The following STX8 variants were observed in gnomAD, a reference collection of about 807,000 sequenced individuals.
The protein encoded by STX8 is syntaxin 8.
STX8 carries 23 observed loss-of-function variants against 37.5 expected under a neutral mutation model. The observed-to-expected ratio is 0.61, with a 90% CI of 0.44 to 0.87. STX8 has a LOEUF of 0.87. STX8 is among the 40% of genes least tolerant of loss of function. STX8 has a pLI of 0.00. For missense variants in STX8, 313 were observed against 284.7 expected, an observed-to-expected ratio of 1.10 and a Z score of -0.71; for synonymous variants, 115 against 99.1, an observed-to-expected ratio of 1.16 and a Z score of -0.95.
chr17:9,378,661 G>A lies in STX8; in HGVS notation c.542-8C>T, dbSNP rs1243300844. The stretch of plus-strand genomic sequence containing the variant: ...CAAGGTCGTCAATTATCTCTAGAAA[G>A]GAAACATACATGATTACTATTCCTG... On this transcript the variant is annotated splice_region_variant and splice_polypyrimidine_tract_variant and intron_variant, in intron 6 of 7. Transcript: ENST00000306357. 2.5e-6 allele frequency: 4 copies of A among 1,602,972 alleles called. No homozygotes were observed. The highest frequency in any genetic ancestry group is 2.6e-6 in the Non-Finnish European group (3 of 1,170,244).
At chr17:9,373,968 C>G (rs1276410109) in intron 7 of STX8, among the ~76,000 whole-genome samples, 2 of 151,382 alleles carry the variant, frequency 1.3e-5, no homozygotes, top group Non-Finnish European at 2.9e-5. Context: ...TTCTGGACAG[C>G]CTCGGCCACG....
At chr17:9,326,380 C>T (rs1288977519) in intron 7 of STX8, among the ~76,000 whole-genome samples, 2 of 152,174 alleles carry the variant, frequency 1.3e-5, no homozygotes, top group Admixed American at 1.3e-4. Context: ...CCTCAGCCTC[C>T]CAAAGCGCCA....
chr17:9,503,440 T>A (rs1164333254), intron 5 of STX8, among the ~76,000 whole-genome samples: 1 of 152,208 alleles, frequency 6.6e-6, no homozygotes, highest in Non-Finnish European at 1.5e-5. Context: ...TATCAAATCA[T>A]ATACTTCAAA....
intron 7 of STX8, among the ~76,000 whole-genome samples, chr17:9,297,743 G>A (rs1908618490): frequency 6.6e-6 from 1 of 152,258 alleles, no homozygotes; most frequent in South Asian, 2.1e-4. Flanking sequence ...AGGCATGGTG[G>A]CACACACCTG....
At chr17:9,484,538 G>A (rs1160719208) in intron 6 of STX8, among the ~76,000 whole-genome samples, 6 of 151,934 alleles carry the variant, frequency 3.9e-5, no homozygotes, top group Non-Finnish European at 5.9e-5. Context: ...TCAGAGGGCC[G>A]GGCATGGTGG....
At chr17:9,437,106 C>CA (rs1904460274) in intron 6 of STX8, among the ~76,000 whole-genome samples, 1 of 152,202 alleles carries the variant, frequency 6.6e-6, no homozygotes, top group Non-Finnish European at 1.5e-5. Flanking sequence ...TATAAGCACT[C>CA]ACTGAATTTT....
chr17:9,498,766 C>T (rs1168651363), intron 5 of STX8, among the ~76,000 whole-genome samples: 2 of 152,134 alleles, frequency 1.3e-5, no homozygotes. Context: ...ATTCATAAGA[C>T]TAGATGAAGC....
At chr17:9,306,365 G>C (rs1187265802) in intron 7 of STX8, among the ~76,000 whole-genome samples, 1 of 152,146 alleles carries the variant, frequency 6.6e-6, no homozygotes, top group East Asian at 1.9e-4. Context: ...GGGAAGGAGA[G>C]GGAGTGGAGA....
chr17:9,494,821 G>A (rs1904328898), intron 5 of STX8, among the ~76,000 whole-genome samples: 1 of 151,874 alleles, frequency 6.6e-6, no homozygotes, highest in Admixed American at 6.6e-5. Context: ...TTTGAACTGG[G>A]GGTCTCGGTC....
chr17:9,250,870 C>A (rs991052483), intron 7 of STX8, among the ~76,000 whole-genome samples: 7 of 151,796 alleles, frequency 4.6e-5, no homozygotes, highest in East Asian at 3.9e-4. Context: ...GTGGCCAGGC[C>A]CCCCCAGGCA....
chr17:9,428,235 C>CTTTTG lies in STX8; in HGVS notation c.542-49587_542-49583dup, dbSNP rs372149421. The stretch of plus-strand genomic sequence containing the variant: ...TATTCTACTTAGTCACCAGAAATGA[C>CTTTTG]TTTTGTTTTGTTTTGTTTTGTTTTG... On this transcript the variant is annotated intron_variant, in intron 6 of 7. Transcript: ENST00000306357. 5.9e-5 allele frequency among the ~76,000 whole-genome samples: 9 copies of CTTTTG among 152,098 alleles called. No individual in the cohort carries two copies. The South Asian group carries it at 8.3e-4, about 14-fold the overall frequency.
At chr17:9,440,772 G>A (rs188568292) in intron 6 of STX8, among the ~76,000 whole-genome samples, 6 of 152,070 alleles carry the variant, frequency 3.9e-5, no homozygotes, top group East Asian at 1.9e-4. Context: ...TGATCCACCC[G>A]CCTCGGCCTC....
At chr17:9,414,124 A>ATCCGTCCATCTG (rs1913092066) in intron 6 of STX8, among the ~76,000 whole-genome samples, 2 of 5,936 alleles carry the variant, frequency 3.4e-4, no homozygotes, top group Non-Finnish European at 6.4e-4. Context: ...CCATCCATCC[A>ATCCGTCCATCTG]TCCAACCATC....
chr17:9,389,767 T>TA (rs59708394), intron 6 of STX8, among the ~76,000 whole-genome samples: 38,188 of 151,792 alleles, frequency 0.25, 5,020 homozygotes, highest in African/African-American at 0.32. Flanking sequence ...AGACAAATGT[T>TA]AAAAAAAATC....
chr17:9,356,466 A>G (rs576433481), intron 7 of STX8, among the ~76,000 whole-genome samples: 1 of 152,334 alleles, frequency 6.6e-6, no homozygotes, highest in South Asian at 2.1e-4. Flanking sequence ...CCTATATGCC[A>G]GGTATGACCT....
chr17:9,398,396 C>G (rs907044654), intron 6 of STX8, among the ~76,000 whole-genome samples: 2 of 152,086 alleles, frequency 1.3e-5, no homozygotes, highest in Non-Finnish European at 2.9e-5. Context: ...CTACGAAATA[C>G]CTGAGCATTA....
At chr17:9,252,637 T>TAA (rs756737723) in intron 7 of STX8, among the ~76,000 whole-genome samples, 4 of 133,948 alleles carry the variant, frequency 3.0e-5, no homozygotes, top group Admixed American at 7.4e-5. Flanking sequence ...AAAACGAAAA[T>TAA]AAAAAAAAAA....
At chr17:9,287,106 C>A (rs58943397) in intron 7 of STX8, among the ~76,000 whole-genome samples, 2 of 152,044 alleles carry the variant, frequency 1.3e-5, no homozygotes, top group Non-Finnish European at 2.9e-5. Context: ...ATATATAAAC[C>A]AAAAGAACAG....
intron 6 of STX8, among the ~76,000 whole-genome samples, chr17:9,399,831 A>G (rs572020369): frequency 1.3e-5 from 2 of 148,502 alleles, no homozygotes; most frequent in African/African-American, 5.0e-5. Context: ...ACGCCATTGC[A>G]CTCCAGTCTG....
Sources: gnomAD v4.1 joint callset for allele counts (sites outside exome capture counted in the v4.1 genomes callset) on GRCh38, gnomAD v4.1.1 for gene constraint, MANE v1.5 for transcripts, NCBI Gene and HGNC (gene_info 2026-07-23, HGNC 2026-07-21) for gene names.